TIMM50: variants seen among roughly 807,000 people sequenced by gnomAD.
TIMM50 encodes the protein translocase of inner mitochondrial membrane 50, also known as mitochondrial import inner membrane translocase subunit TIM50.
Under a neutral mutation model 49.6 loss-of-function variants are expected in TIMM50, and 34 were observed. The ratio of observed to expected loss-of-function variants is 0.69; its 90% CI spans 0.52 to 0.91. TIMM50 has a LOEUF of 0.91. Ranked by LOEUF, TIMM50 falls within the 40% of genes least tolerant of loss-of-function variation. The pLI is 0.00. For missense variants in TIMM50, 458 were observed against 477.8 expected (o/e 0.96, Z 0.39); for synonymous variants, 199 against 198.4 (o/e 1.00, Z -0.03).
In TIMM50 at chr19:39,492,882, A is replaced by AAAAACAAAC. The variant is rs1555752633; in HGVS notation, c.*3066_*3067insCAAACAAAA. ...TAAGGCTCTGTCTCCAAAAAAAAAA[A>AAAAACAAAC]AAAAAAAAAACAAAAAAAAAACCAG... On this transcript the variant is annotated 3_prime_UTR_variant, in exon 11 of 11. Coordinates refer to ENST00000607714, the MANE Select transcript of TIMM50 (RefSeq NM_001001563.5). The AAAAACAAAC allele has an allele frequency of 7.1e-6, 1 of 141,230 alleles. No homozygotes were observed. The highest frequency in any genetic ancestry group is 1.5e-5 in the Non-Finnish European group (1 of 65,208). The allele number at this position is 141,230 out of a possible 1,614,324, so 8.7% of individuals were successfully genotyped here.
In TIMM50 at chr19:39,492,256, GATCGCCTGAGGCCAGGAGTTGGAGAGC is replaced by G. The variant is rs1431644020; in HGVS notation, c.*2438_*2464del. ...ACACTTCAGGAGGCCGAGGTGGGAG[GATCGCCTGAGGCCAGGAGTTGGAGAGC>G]AGCCTGGGCAACATGGGAAGAGCCT... On this transcript the variant is annotated 3_prime_UTR_variant, in exon 11 of 11. Transcript: ENST00000607714. 7.9e-5 allele frequency: 12 copies of G among 151,466 alleles called. No individual in the cohort carries two copies. The highest frequency in any genetic ancestry group is 6.6e-4 in the Admixed American group (10 of 15,188). 9.4% of individuals were successfully genotyped at this position (151,466 alleles called of 1,614,324 possible).
intron 3 of TIMM50, 65 bp downstream of exon 3, chr19:39,482,981 T>C (rs1051403614): frequency 6.2e-7 from 1 of 1,613,060 alleles, no homozygotes; most frequent in East Asian, 2.2e-5. Flanking sequence ...GGGTCCCCTT[T>C]GGTCTGTTCA....
Position 39,483,192 on chromosome 19 carries a change from CCT to C in TIMM50, c.313+40_313+41del, listed in dbSNP as rs774649126. On this transcript the variant is annotated intron_variant, in intron 4 of 10. Coordinates refer to ENST00000607714, the MANE Select transcript of TIMM50 (RefSeq NM_001001563.5). ...AAGCACAGATTCTGGAGTCCCTGAC[CCT>C]CTCAACTCTGTCATTTGTAAGGATG... is the stretch of plus-strand genomic sequence containing the variant. 5.6e-6 allele frequency: 9 copies of C among 1,613,124 alleles called. No homozygotes were observed. The African/African-American group carries it at 1.2e-4, about 22-fold the overall frequency.
chr19:39,484,397 C>CG (rs1162933335), intron 4 of TIMM50, among the ~76,000 whole-genome samples: 2 of 151,892 alleles, frequency 1.3e-5, no homozygotes, highest in African/African-American at 4.8e-5. Context: ...GAGTGAGTCT[C>CG]CATCTCTAAA....
intron 10 of TIMM50, 150 bp downstream of exon 10, chr19:39,488,795 AAC>A (rs2079525406): frequency 3.1e-6 from 2 of 640,114 alleles, no homozygotes; most frequent in South Asian, 3.6e-5. Context: ...AGGGGGATAT[AAC>A]ACAGCCTGTC....
chr19:39,486,367 G>C, intron 7 of TIMM50, 30 bp from the exon 8 acceptor site: 2 of 1,613,656 alleles, frequency 1.2e-6, no homozygotes, highest in South Asian at 2.2e-5. Flanking sequence ...GGCTCAGCCT[G>C]ACCTTTTCTC....
chr19:39,482,970 G>A, intron 3 of TIMM50, 54 bp downstream of exon 3: 1 of 1,613,764 alleles, frequency 6.2e-7, no homozygotes, highest in Admixed American at 1.7e-5. Flanking sequence ...GTGGGTGAGA[G>A]GGGTCCCCTT....
rs2079480987 is a variant in TIMM50 at position 39,482,749 on chromosome 19, C to T, written c.260-136C>T. 8 of 1,159,772 alleles carry T rather than the reference C, an allele frequency of 6.9e-6. No individual in the cohort carries two copies. In the Admixed American group the frequency reaches 1.7e-4, roughly 25 times the overall value. The allele number at this position is 1,159,772 out of a possible 1,614,324, so 71.8% of individuals were successfully genotyped here. A position where few individuals can be genotyped will look rare whatever the true frequency, so the allele number is the denominator to read the frequency against. ...CCCAGGAATCTTGGCTCCCAGCCCC[C>T]TCCTGGCTTGACTCCAGGAGGCTGT... On this transcript the variant is annotated intron_variant, in intron 2 of 10. Transcript: ENST00000607714.
chr19:39,490,882 G>C lies in TIMM50; in HGVS notation c.*1062G>C, dbSNP rs920406314. On this transcript the variant is annotated 3_prime_UTR_variant, in exon 11 of 11. Coordinates refer to ENST00000607714, the MANE Select transcript of TIMM50 (RefSeq NM_001001563.5). ...AAAAATACAAAATTAGCTGGGCGTG[G>C]TGGAGCATGCCTGTGATCCCAGCTA... The C allele has an allele frequency of 6.6e-6, 1 of 151,962 alleles. No homozygotes were observed. Among genetic ancestry groups the C allele is most frequent in the African/African-American group, 2.4e-5 (1 of 41,428 alleles). 9.4% of individuals were successfully genotyped at this position (151,962 alleles called of 1,614,324 possible).
chr19:39,480,991 G>A (rs779126889), intron 1 of TIMM50, 30 bp downstream of exon 1: 7 of 1,553,858 alleles, frequency 4.5e-6, no homozygotes, highest in Admixed American at 3.9e-5. Flanking sequence ...CCCTCTGAAT[G>A]TGGGGTCCCT....
intron 1 of TIMM50, 27 bp downstream of exon 1, chr19:39,480,988 A>C: frequency 1.3e-6 from 2 of 1,555,908 alleles, no homozygotes; most frequent in Non-Finnish European, 1.7e-6. Context: ...TGGCCCTCTG[A>C]ATGTGGGGTC....
intron 8 of TIMM50, among the ~76,000 whole-genome samples, chr19:39,487,126 C>A (rs531403934): frequency 1.9e-4 from 29 of 152,260 alleles, no homozygotes; most frequent in Admixed American, 8.5e-4. Flanking sequence ...GTTCTTAAAC[C>A]TGCAACATAC....
At position 39,485,780 on chromosome 19, in the gene TIMM50, C is replaced by A; in HGVS notation, c.465C>A (p.Thr155=). Residue 155 remains threonine (T), a synonymous_variant, in exon 6 of 11, where the codon ACC becomes ACA. Coordinates refer to ENST00000607714, the MANE Select transcript of TIMM50 (RefSeq NM_001001563.5). ...QPPYTLVLEL[T]GVLLHPEWSL... Reference sequence around the variant, plus strand: ...CCTACACGCTCGTTTTGGAGCTCACCGGCGTCCTCTTGCATCCTGAGTGGT... The same window carrying A: ...CCTACACGCTCGTTTTGGAGCTCACAGGCGTCCTCTTGCATCCTGAGTGGT... 7 of 1,614,136 alleles carry A rather than the reference C, an allele frequency of 4.3e-6. No homozygotes were observed. Among genetic ancestry groups the A allele is most frequent in the Non-Finnish European group, 5.9e-6 (7 of 1,180,034 alleles).
intron 6 of TIMM50, 82 bp downstream of exon 6, chr19:39,485,889 G>A (rs2146155811): frequency 6.3e-7 from 1 of 1,575,126 alleles, no homozygotes; most frequent in South Asian, 1.1e-5. Flanking sequence ...CCCTGGCTGT[G>A]CTATGTGATC....
chr19:39,482,827 C>G, intron 2 of TIMM50, 58 bp from the exon 3 acceptor site: 1 of 1,611,160 alleles, frequency 6.2e-7, no homozygotes, highest in South Asian at 1.1e-5. Context: ...CCACTCCTCC[C>G]TCGGGACCCA....
rs1491150039 is a variant in TIMM50 at position 39,489,825 on chromosome 19, T to TG, written c.*8dup. 2 of 1,599,330 alleles carry TG rather than the reference T, an allele frequency of 1.3e-6. No individual in the cohort carries two copies. Among genetic ancestry groups the TG allele is most frequent in the Admixed American group, 1.7e-5 (1 of 57,794 alleles). The stretch of plus-strand genomic sequence containing the variant: ...CCTCGCTCCAAACAGCCCTGAACTC[T>TG]GGGCCTCCTCAAACTCAGTGCCTGG... On this transcript the variant is annotated 3_prime_UTR_variant, in exon 11 of 11. Coordinates refer to ENST00000607714, the MANE Select transcript of TIMM50 (RefSeq NM_001001563.5).
intron 4 of TIMM50, chr19:39,483,390 TG>T: frequency 5.3e-6 from 3 of 570,210 alleles, no homozygotes; most frequent in Non-Finnish European, 9.3e-6. Context: ...GAGCCTTGGG[TG>T]GGAGGGCTTG....
At chr19:39,486,605 G>T in intron 8 of TIMM50, 110 bp downstream of exon 8, 1 of 993,944 alleles carries the variant, frequency 1.0e-6, no homozygotes, top group Non-Finnish European at 1.6e-6. Flanking sequence ...GTTCTGCCCA[G>T]ATTCGATTCC....
intron 10 of TIMM50, 103 bp downstream of exon 10, chr19:39,488,748 G>A (rs770738686): frequency 2.9e-5 from 25 of 863,702 alleles, no homozygotes; most frequent in Non-Finnish European, 4.3e-5. Context: ...GTGTGACCCT[G>A]AGCAGATACC....
Sources: allele counts gnomAD v4.1 joint callset (sites outside exome capture counted in the v4.1 genomes callset), GRCh38; gene constraint gnomAD v4.1.1; transcripts MANE v1.5; gene names NCBI Gene and HGNC (gene_info 2026-07-23, HGNC 2026-07-21).